Variants in CAPN1 observed in about 807,000 individuals in gnomAD.
CAPN1 encodes calpain 1.
Under a neutral mutation model 105.2 loss-of-function variants are expected in CAPN1, and 77 were observed. The observed-to-expected ratio is 0.73, with a 90% confidence interval of 0.61 to 0.88. CAPN1 has a LOEUF of 0.88. Among genes scored for constraint, CAPN1 ranks in the 40% least tolerant of loss-of-function variants. The pLI is 0.00. For synonymous variants in CAPN1, 355 were observed against 388.8 expected, an observed-to-expected ratio of 0.91 and a Z score of 1.02; for missense variants, 833 against 976.6, an observed-to-expected ratio of 0.85 and a Z score of 1.96.
At position 65,182,696 on chromosome 11, in the gene CAPN1, G is replaced by C. The variant is rs760603884; in HGVS notation, c.-1-5G>C. 1 of 1,547,268 alleles carries C rather than the reference G, an allele frequency of 6.5e-7. No homozygotes were observed. The highest frequency in any genetic ancestry group is 8.7e-7 in the Non-Finnish European group (1 of 1,146,178). On this transcript the variant is annotated splice_region_variant and splice_polypyrimidine_tract_variant and intron_variant, in intron 1 of 21. Transcript: ENST00000279247. ...GGGTTCTGAGCAGGCCCATCTGTCCGGCAGGATGTCGGAGGAGATCATCAC... is the reference window on the plus strand; with the variant it reads ...GGGTTCTGAGCAGGCCCATCTGTCCCGCAGGATGTCGGAGGAGATCATCAC...
Position 65,211,147 on chromosome 11 carries a change from T to C in CAPN1, c.2119-113T>C, listed in dbSNP as rs17880481. 73 of 1,209,958 alleles carry C rather than the reference T, an allele frequency of 6.0e-5. 1 individual carries two copies. The African/African-American group carries it at 8.5e-4, about 14-fold the overall frequency. 75.0% of individuals were successfully genotyped at this position (1,209,958 alleles called of 1,614,324 possible). On this transcript the variant is annotated intron_variant, in intron 21 of 21. Transcript: ENST00000279247. Reference sequence around the variant, plus strand: ...GTAAGAAAGTAACCCCTCCATGAGGTTCCTGAGGTGGCTCCTGAGACGTGG... The same window carrying C: ...GTAAGAAAGTAACCCCTCCATGAGGCTCCTGAGGTGGCTCCTGAGACGTGG...
chr11:65,188,768 G>T lies in CAPN1; in HGVS notation c.1165+22G>T. The T allele has an allele frequency of 6.5e-7, 1 of 1,546,982 alleles. No homozygotes were observed. Among genetic ancestry groups the T allele is most frequent in the Non-Finnish European group, 8.7e-7 (1 of 1,144,446 alleles). On this transcript the variant is annotated intron_variant, in intron 10 of 21. Transcript: ENST00000279247. This position sits in a 1 kb window ranked among gnomAD's most constrained non-coding sequence, Gnocchi z 5.5. ...CCAGGTGCACAGGGGCGGGCTCTGG[G>T]TCTTGCTGCTTCCTGGCTTAGGGGC...
At chr11:65,181,606 TA>T (rs1240254001), upstream of CAPN1, 2 of 413,168 alleles carry the variant, frequency 4.8e-6, no homozygotes, top group Non-Finnish European at 9.6e-6. This position sits in a 1 kb window ranked among gnomAD's most constrained non-coding sequence, Gnocchi z 4.6. Flanking sequence ...TGCCCCTGGT[TA>T]AAAATACCCC....
chr11:65,211,208 A>T, intron 21 of CAPN1, 52 bp from the exon 22 acceptor site: 2 of 1,606,178 alleles, frequency 1.2e-6, no homozygotes, highest in Non-Finnish European at 1.7e-6. Context: ...GGTGGGGAAG[A>T]AGCCAGGGAG....
At chr11:65,193,073 C>G (rs1200764173) in intron 10 of CAPN1, among the ~76,000 whole-genome samples, 3 of 150,720 alleles carry the variant, frequency 2.0e-5, no homozygotes, top group Non-Finnish European at 4.4e-5. Flanking sequence ...CTCTGCCTCC[C>G]GGGTTCACGC....
At chr11:65,183,794 G>A (rs1437713249) in intron 4 of CAPN1, 4 of 568,046 alleles carry the variant, frequency 7.0e-6, no homozygotes, top group Non-Finnish European at 1.3e-5. Flanking sequence ...TTTCCTAGGT[G>A]GTTGTATGTA....
rs761976500 is a variant in CAPN1 at position 65,185,919 on chromosome 11, G to A, written c.459G>A (p.Leu153=). The A allele has an allele frequency of 1.0e-5, 16 of 1,581,250 alleles. No homozygotes were observed. Among genetic ancestry groups the A allele is most frequent in the Middle Eastern group, 1.7e-4 (1 of 6,016 alleles). ...CTCACCGTGCCCCTCCCCCACAGCT[G>A]TGGCAATTTGGGGAGTGGGTGGACG... ...NGYAGIFHFQ[L]WQFGEWVDVV... Residue 153 remains leucine (L), a splice_region_variant and synonymous_variant, in exon 5 of 22, where the codon CTG becomes CTA. Transcript: ENST00000279247.
In CAPN1 at chr11:65,203,198, C is replaced by CTCTTT. The variant is rs111923742; in HGVS notation, c.1166-1484_1166-1483insCTTTT. On this transcript the variant is annotated intron_variant, in intron 10 of 21. Coordinates refer to ENST00000279247, the MANE Select transcript of CAPN1 (RefSeq NM_005186.4). Reference sequence around the variant, plus strand: ...AATAATGCAGCCATTAACATTCTCTCTTTTTTTTTTTAAATGGAATCTTGC... The same window carrying CTCTTT: ...AATAATGCAGCCATTAACATTCTCTCTCTTTTTTTTTTTTTTAAATGGAATCTTGC... Among the ~76,000 whole-genome samples the CTCTTT allele has an allele frequency of 4.2e-3, 629 of 149,900 alleles. 2 individuals are homozygous for CTCTTT. The highest frequency in any genetic ancestry group is 0.012 in the African/African-American group (477 of 40,600).
In CAPN1 at chr11:65,187,049, C is replaced by T. The variant is rs764213050; in HGVS notation, c.760-166C>T. Among the ~76,000 whole-genome samples, 4 of 152,192 alleles carry T rather than the reference C, an allele frequency of 2.6e-5. No homozygotes were observed. The South Asian group carries it at 8.3e-4, about 31-fold the overall frequency. On this transcript the variant is annotated intron_variant, in intron 6 of 21. Coordinates refer to ENST00000279247, the MANE Select transcript of CAPN1 (RefSeq NM_005186.4). Reference sequence around the variant, plus strand: ...AGGCTACCCCTCTCCAAAAGAGCAGCATCTATATGTGGGGGTGTCTATAGG... The same window carrying T: ...AGGCTACCCCTCTCCAAAAGAGCAGTATCTATATGTGGGGGTGTCTATAGG...
At chr11:65,195,617 C>T (rs1402555808) in intron 10 of CAPN1, among the ~76,000 whole-genome samples, 1 of 152,052 alleles carries the variant, frequency 6.6e-6, no homozygotes, top group Non-Finnish European at 1.5e-5. Flanking sequence ...TTTTAATATG[C>T]TGTTGGGTTG....
rs759799324 is a variant in CAPN1 at position 65,182,724 on chromosome 11, C to T, written c.23C>T (p.Pro8Leu). Residue 8 changes from proline to leucine, a missense_variant, in exon 2 of 22, where the codon CCG (proline) becomes CTG (leucine). By Grantham distance (98) the Pro-to-Leu change is moderately conservative. Transcript: ENST00000279247. Reference sequence around the variant, plus strand: ...AGGATGTCGGAGGAGATCATCACGCCGGTGTACTGCACTGGGGTGTCAGCC... The same window carrying T: ...AGGATGTCGGAGGAGATCATCACGCTGGTGTACTGCACTGGGGTGTCAGCC... Reference protein sequence around the residue: MSEEIITPVYCTGVSAQV... With the variant: MSEEIITLVYCTGVSAQV... 3.3e-5 allele frequency: 52 copies of T among 1,578,086 alleles called. No individual in the cohort carries two copies. The highest frequency in any genetic ancestry group is 7.0e-5 in the East Asian group (3 of 43,098).
intron 10 of CAPN1, among the ~76,000 whole-genome samples, chr11:65,190,378 C>T (rs1293491211): frequency 1.3e-5 from 2 of 152,228 alleles, no homozygotes; most frequent in African/African-American, 4.8e-5. Flanking sequence ...TCCTGTGCTG[C>T]ATCCTCAGCA....
At chr11:65,193,849 C>T (rs952811805) in intron 10 of CAPN1, among the ~76,000 whole-genome samples, 1 of 151,742 alleles carries the variant, frequency 6.6e-6, no homozygotes, top group Non-Finnish European at 1.5e-5. Flanking sequence ...CTCACTTCAG[C>T]CTCCCAAGTG....
At chr11:65,211,103 TTTCCCAGGG>T in intron 21 of CAPN1, 148 bp from the exon 22 acceptor site, 1 of 855,974 alleles carries the variant, frequency 1.2e-6, no homozygotes, top group Non-Finnish European at 1.9e-6. Context: ...AGCACTCTGG[TTTCCCAGGG>T]GTGGAGGAGG....
rs1300369797 is a variant in CAPN1 at position 65,206,558 on chromosome 11, C to T, written c.1449C>T (p.Val483=). ...AGCAGTTCATCAACCTGCGAGAGGTCAGCACCCGCTTCCGCCTGCCACCCG... is the reference window on the plus strand; with the variant it reads ...AGCAGTTCATCAACCTGCGAGAGGTTAGCACCCGCTTCCGCCTGCCACCCG... ...RSEQFINLRE[V]STRFRLPPGE... The change falls in exon 13 of 22, where the codon GTC becomes GTT. Residue 483 remains valine (V), a synonymous_variant. Transcript: ENST00000279247. 1.9e-6 allele frequency: 3 copies of T among 1,613,358 alleles called. No individual in the cohort carries two copies. Among genetic ancestry groups the T allele is most frequent in the African/African-American group, 1.3e-5 (1 of 74,942 alleles).
chr11:65,202,401 A>G (rs1420847348), intron 10 of CAPN1, among the ~76,000 whole-genome samples: 12 of 152,206 alleles, frequency 7.9e-5, no homozygotes, highest in Admixed American at 7.9e-4. Flanking sequence ...TACAATTTAA[A>G]TGTACTGAAG....
In CAPN1 at chr11:65,211,260, T is replaced by G. The variant is rs756509200; in HGVS notation, c.2119T>G (p.Trp707Gly). ...AGCTGACCTGCCTGTTCTCCCGCAG[T>G]GGTTGCAGCTGACCATGTTTGCATG... is the stretch of plus-strand genomic sequence containing the variant. ...DGVVTFDLFK[W>G]LQLTMFA The change falls in exon 22 of 22, where the codon TGG becomes GGG. Residue 707 changes from tryptophan (W) to glycine (G), a missense_variant and splice_region_variant. Coordinates refer to ENST00000279247, the MANE Select transcript of CAPN1 (RefSeq NM_005186.4). The G allele has an allele frequency of 3.1e-6, 5 of 1,612,684 alleles. No individual in the cohort carries two copies. Among genetic ancestry groups the G allele is most frequent in the Non-Finnish European group, 3.4e-6 (4 of 1,179,792 alleles).
chr11:65,187,555 G>C (rs1280179749), intron 7 of CAPN1: 2 of 557,850 alleles, frequency 3.6e-6, no homozygotes, highest in Non-Finnish European at 6.5e-6. Context: ...GCTGAGCAGG[G>C]CTTGGAGAGG....
At chr11:65,187,889 C>G (rs1948658736) in intron 7 of CAPN1, 66 bp from the exon 8 acceptor site, 2 of 1,183,634 alleles carry the variant, frequency 1.7e-6, no homozygotes, top group African/African-American at 1.6e-5. Context: ...AAGACTCTGT[C>G]TCAAAAAAGA....
Sources: allele counts gnomAD v4.1 joint callset (sites outside exome capture counted in the v4.1 genomes callset), GRCh38; gene constraint gnomAD v4.1.1; non-coding constraint Gnocchi (gnomAD v3.1); transcripts MANE v1.5; gene names NCBI Gene and HGNC (gene_info 2026-07-23, HGNC 2026-07-21).